The following PCSK2 variants were observed in gnomAD, a reference collection of about 807,000 sequenced individuals.
PCSK2 encodes the protein proprotein convertase subtilisin/kexin type 2.
Under a neutral mutation model 69.7 loss-of-function variants are expected in PCSK2, and 14 were observed. The ratio of observed to expected loss-of-function variants is 0.20; its 90% CI spans 0.13 to 0.31. The LOEUF is 0.31. PCSK2 is among the 10% of genes least tolerant of loss of function. The probability of loss-of-function intolerance (pLI) is 1.00; values close to 1 mark genes in which losing one functional copy is unlikely to be tolerated. For missense variants in PCSK2, 544 were observed against 842.5 expected (o/e 0.65, Z 4.39); for synonymous variants, 307 against 320.7 (o/e 0.96, Z 0.46).
chr20:17,274,477 C>A (rs1173420775), intron 2 of PCSK2, among the ~76,000 whole-genome samples: 1 of 152,142 alleles, frequency 6.6e-6, no homozygotes, highest in Non-Finnish European at 1.5e-5. Context: ...CCAGCCCCTA[C>A]CTGACCTGGT....
At chr20:17,469,536 T>A (rs1299047707) in intron 11 of PCSK2, among the ~76,000 whole-genome samples, 7 of 149,544 alleles carry the variant, frequency 4.7e-5, no homozygotes, top group African/African-American at 1.7e-4. Flanking sequence ...GAAGCTGAGA[T>A]CCAGAAAGGA....
rs144844926 is a variant in PCSK2 at position 17,435,816 on chromosome 20, G to A, written c.710-892G>A. ...TGACCCCGTCAGCGAAGTTTTGAGG[G>A]TAGTGATGGAGAGACAGCACACCCA... is the stretch of plus-strand genomic sequence containing the variant. On this transcript the variant is annotated intron_variant, in intron 7 of 11. Transcript: ENST00000262545. Among the ~76,000 whole-genome samples, 29 of 152,302 alleles carry A rather than the reference G, an allele frequency of 1.9e-4. No individual in the cohort carries two copies. The East Asian group carries it at 4.8e-3, about 25-fold the overall frequency.
At chr20:17,320,038 A>C (rs1009336365) in intron 2 of PCSK2, among the ~76,000 whole-genome samples, 1 of 152,190 alleles carries the variant, frequency 6.6e-6, no homozygotes, top group African/African-American at 2.4e-5. Flanking sequence ...TTCAGAAAGA[A>C]AAGACAGAGC....
chr20:17,450,778 G>A (rs543952545), intron 8 of PCSK2, among the ~76,000 whole-genome samples: 1 of 152,348 alleles, frequency 6.6e-6, no homozygotes, highest in East Asian at 1.9e-4. Flanking sequence ...TATAAGGGCA[G>A]TAATCCCATT....
chr20:17,351,538 T>C (rs970777620), intron 2 of PCSK2, among the ~76,000 whole-genome samples: 7 of 152,234 alleles, frequency 4.6e-5, no homozygotes, highest in Middle Eastern at 3.4e-3. Context: ...TGCAGTTAGT[T>C]CAACATATGC....
intron 2 of PCSK2, among the ~76,000 whole-genome samples, chr20:17,341,581 C>G (rs1990511513): frequency 6.6e-6 from 1 of 152,184 alleles, no homozygotes; most frequent in African/African-American, 2.4e-5. Context: ...TTTATCTATT[C>G]AGCCGCACTG....
chr20:17,472,129 G>A (rs1008429000), intron 11 of PCSK2, among the ~76,000 whole-genome samples: 29 of 152,276 alleles, frequency 1.9e-4, no homozygotes, highest in African/African-American at 6.7e-4. Flanking sequence ...AGCCCAGGCC[G>A]GCCCCATCAG....
Position 17,434,640 on chromosome 20 carries a change from G to T in PCSK2, c.710-2068G>T, listed in dbSNP as rs115353222. 1.6e-3 allele frequency among the ~76,000 whole-genome samples: 238 copies of T among 152,316 alleles called. 1 individual carries two copies. The highest frequency in any genetic ancestry group is 5.0e-3 in the African/African-American group (209 of 41,582). On this transcript the variant is annotated intron_variant, in intron 7 of 11. Transcript: ENST00000262545. The stretch of plus-strand genomic sequence containing the variant: ...GAGGAAGAGGGTTCAAGGCACAGCT[G>T]GAAGTGCCATGCACCAGCCCTGGCA...
intron 2 of PCSK2, among the ~76,000 whole-genome samples, chr20:17,266,087 G>A (rs765029794): frequency 1.3e-5 from 2 of 152,186 alleles, no homozygotes; most frequent in Non-Finnish European, 2.9e-5. Context: ...AAGAAGTGAA[G>A]TTGCCTCCTG....
intron 1 of PCSK2, among the ~76,000 whole-genome samples, chr20:17,242,786 C>T (rs949917731): frequency 2.0e-5 from 3 of 152,208 alleles, no homozygotes; most frequent in African/African-American, 4.8e-5. Flanking sequence ...TTAGGCTCCT[C>T]CACTGCATGA....
Position 17,234,940 on chromosome 20 carries a change from C to T in PCSK2, c.177+7458C>T, listed in dbSNP as rs185986696. Among the ~76,000 whole-genome samples the T allele has an allele frequency of 5.5e-4, 83 of 152,226 alleles. No homozygotes were observed. In the East Asian group the frequency reaches 0.013, roughly 24 times the overall value. On this transcript the variant is annotated intron_variant, in intron 1 of 11. Transcript: ENST00000262545. ...TTATTATTTGAGATACAAATAATCA[C>T]GGGACAGCTCAAAAACTGACATTTC...
intron 6 of PCSK2, among the ~76,000 whole-genome samples, chr20:17,415,948 G>T (rs1040412920): frequency 1.3e-5 from 2 of 152,092 alleles, no homozygotes; most frequent in African/African-American, 4.8e-5. Context: ...TTAATAAATG[G>T]TGCTGGCAAA....
chr20:17,374,752 ACC>A (rs1175698465), intron 5 of PCSK2, among the ~76,000 whole-genome samples: 1 of 152,132 alleles, frequency 6.6e-6, no homozygotes, highest in African/African-American at 2.4e-5. Flanking sequence ...CCTCAGAGTT[ACC>A]CACAAACTCC....
At chr20:17,255,344 A>T (rs1040471613) in intron 1 of PCSK2, among the ~76,000 whole-genome samples, 2 of 143,884 alleles carry the variant, frequency 1.4e-5, no homozygotes, top group Admixed American at 7.0e-5. Flanking sequence ...TTCATTCCTA[A>T]TTTTTTTTTT....
intron 10 of PCSK2, among the ~76,000 whole-genome samples, chr20:17,461,478 A>G (rs2033013364): frequency 6.6e-6 from 1 of 152,236 alleles, no homozygotes. Context: ...CAGGTCACAC[A>G]GTTTACATTG....
At chr20:17,319,999 T>G (rs1184143870) in intron 2 of PCSK2, among the ~76,000 whole-genome samples, 1 of 152,160 alleles carries the variant, frequency 6.6e-6, no homozygotes, top group Non-Finnish European at 1.5e-5. Context: ...GGGGAAAATC[T>G]ATCAGGACTA....
intron 4 of PCSK2, among the ~76,000 whole-genome samples, chr20:17,361,723 C>T (rs2030402140): frequency 6.6e-6 from 1 of 152,184 alleles, no homozygotes; most frequent in African/African-American, 2.4e-5. Context: ...TAAATATCAA[C>T]ATAAAAACAA....
intron 2 of PCSK2, among the ~76,000 whole-genome samples, chr20:17,294,261 C>T (rs1988806594): frequency 1.4e-5 from 2 of 145,110 alleles, no homozygotes; most frequent in South Asian, 4.4e-4. Context: ...CCCGCCACCG[C>T]GCCCGGCTAA....
At chr20:17,237,220 C>CAAGG (rs1392812777) in intron 1 of PCSK2, among the ~76,000 whole-genome samples, 3 of 152,040 alleles carry the variant, frequency 2.0e-5, no homozygotes, top group Non-Finnish European at 2.9e-5. Context: ...TATTGAAGCT[C>CAAGG]AAGGCTCCAA....
Sources: allele counts gnomAD v4.1 joint callset (sites outside exome capture counted in the v4.1 genomes callset), GRCh38; gene constraint gnomAD v4.1.1; transcripts MANE v1.5; gene names NCBI Gene and HGNC (gene_info 2026-07-23, HGNC 2026-07-21).